TJP1: variants seen among roughly 807,000 people sequenced by gnomAD.
TJP1 encodes the protein tight junction protein ZO-1.
A neutral mutation model predicts 194.2 loss-of-function variants in TJP1; 43 were observed. That is an observed-to-expected ratio of 0.22 (90% CI 0.17 to 0.29). The LOEUF (loss-of-function observed/expected upper bound fraction) is 0.29. Among genes scored for constraint, TJP1 ranks in the 10% least tolerant of loss-of-function variants. The pLI is 1.00. For synonymous variants in TJP1, 801 were observed against 779.0 expected (o/e 1.03, Z -0.47); for missense variants, 1,971 against 2,185.7 (o/e 0.90, Z 1.96).
intron 4 of TJP1, among the ~76,000 whole-genome samples, chr15:29,771,857 GA>G (rs1014178201): frequency 7.4e-5 from 11 of 149,164 alleles, no homozygotes; most frequent in Non-Finnish European, 1.3e-4. Flanking sequence ...TTTTTCAATT[GA>G]AAAAAATCCT....
chr15:29,898,615 T>TG (rs2053547891), intron 2 of TJP1, among the ~76,000 whole-genome samples: 1 of 152,202 alleles, frequency 6.6e-6, no homozygotes, highest in Non-Finnish European at 1.5e-5. Flanking sequence ...CTAATACAGG[T>TG]GGAGCACCCC....
In TJP1 at chr15:29,955,753, T is replaced by TAAAAAAAAAAAAA; in HGVS notation, c.306+466_306+478dup. On this transcript the variant is annotated intron_variant, in intron 2 of 28. Coordinates refer to the TJP1 transcript ENST00000356107. The stretch of plus-strand genomic sequence containing the variant: ...GCAACAGAAGGAGACCCTGGCTCTT[T>TAAAAAAAAAAAAA]AAAAAAAAAAAAAAAAAAAAAAAAA... Among the ~76,000 whole-genome samples the TAAAAAAAAAAAAA allele has an allele frequency of 1.6e-3, 59 of 35,808 alleles. 1 individual carries two copies. The highest frequency in any genetic ancestry group is 2.3e-3 in the Non-Finnish European group (45 of 19,946). The allele number at this position is 35,808 out of a possible 152,430, so 23.5% of individuals were successfully genotyped here.
Position 29,944,316 on chromosome 15 carries a change from C to T in TJP1, c.306+11916G>A, listed in dbSNP as rs534774080. ...TTCACCATGTTACCCAGGATGGTCT[C>T]GACCTCCTGACCTCGTGATCCACCC... On this transcript the variant is annotated intron_variant, in intron 2 of 28. Transcript: ENST00000356107. Among the ~76,000 whole-genome samples the T allele has an allele frequency of 1.4e-4, 21 of 151,890 alleles. No homozygotes were observed. The South Asian group carries it at 1.5e-3, about 11-fold the overall frequency.
intron 1 of TJP1, among the ~76,000 whole-genome samples, chr15:29,821,705 C>A (rs1188357786): frequency 3.3e-5 from 5 of 152,078 alleles, no homozygotes; most frequent in Admixed American, 2.0e-4. Flanking sequence ...CGTGTCCCCG[C>A]CCTCAGCGAG....
rs558868289 is a variant in TJP1 at position 29,866,969 on chromosome 15, C to T, written c.307-66267G>A. ...GAAAGATACTCAGACTGAGCCTGAGCGCGTCTTCACTCAGTTCCAGTTTCA... is the reference window on the plus strand; with the variant it reads ...GAAAGATACTCAGACTGAGCCTGAGTGCGTCTTCACTCAGTTCCAGTTTCA... On this transcript the variant is annotated intron_variant, in intron 2 of 28. Coordinates refer to the TJP1 transcript ENST00000356107. Among the ~76,000 whole-genome samples the T allele has an allele frequency of 1.7e-4, 26 of 152,276 alleles. No individual in the cohort carries two copies. In the East Asian group the frequency reaches 3.3e-3, roughly 19 times the overall value.
chr15:29,834,376 C>G (rs2050955618), intron 2 of TJP1, among the ~76,000 whole-genome samples: 1 of 151,956 alleles, frequency 6.6e-6, no homozygotes, highest in African/African-American at 2.4e-5. Context: ...GGGCACCACC[C>G]GCCCAGCTAA....
intron 2 of TJP1, among the ~76,000 whole-genome samples, chr15:29,901,323 G>T (rs1007514192): frequency 1.3e-5 from 2 of 152,182 alleles, no homozygotes; most frequent in African/African-American, 4.8e-5. Flanking sequence ...GACTGTTCCT[G>T]CTTTCACAAT....
intron 1 of TJP1, chr15:29,820,679 G>A: frequency 1.6e-6 from 1 of 624,800 alleles, no homozygotes; most frequent in Admixed American, 2.5e-5. Context: ...TTCCTCCTAG[G>A]AAAGAAAGCC....
At chr15:29,936,092 C>T (rs1224255070) in intron 2 of TJP1, among the ~76,000 whole-genome samples, 3 of 152,084 alleles carry the variant, frequency 2.0e-5, no homozygotes, top group Admixed American at 6.5e-5. Context: ...CCAAACTGGT[C>T]TCTATATGAG....
chr15:29,724,361 A>G (rs911429454), intron 18 of TJP1, among the ~76,000 whole-genome samples: 1 of 152,240 alleles, frequency 6.6e-6, no homozygotes, highest in Admixed American at 6.5e-5. Flanking sequence ...CTGTTGCAGA[A>G]GAAAAGTCTT....
chr15:29,747,408 T>C (rs1183598041), intron 8 of TJP1, among the ~76,000 whole-genome samples: 2 of 152,206 alleles, frequency 1.3e-5, no homozygotes, highest in African/African-American at 4.8e-5. Context: ...CCCCAAATTG[T>C]GCTGTGCTCC....
chr15:29,874,036 C>T (rs185582973), intron 2 of TJP1, among the ~76,000 whole-genome samples: 630 of 152,320 alleles, frequency 4.1e-3, no homozygotes, highest in Non-Finnish European at 4.6e-3. Context: ...CTCCTCCTCT[C>T]GCCTGAAATG....
At chr15:29,710,774 C>G in intron 24 of TJP1, 57 bp downstream of exon 24, 1 of 1,606,524 alleles carries the variant, frequency 6.2e-7, no homozygotes, top group East Asian at 2.2e-5. Flanking sequence ...TAGAAACCAC[C>G]AGAATTTTAC....
intron 1 of TJP1, among the ~76,000 whole-genome samples, chr15:29,821,127 A>G (rs547281899): frequency 6.6e-6 from 1 of 152,236 alleles, no homozygotes; most frequent in Admixed American, 6.5e-5. Flanking sequence ...TTTATGATGA[A>G]AAAATTAATA....
chr15:29,726,609 C>A, intron 17 of TJP1, 130 bp from the exon 18 acceptor site: 1 of 1,147,520 alleles, frequency 8.7e-7, no homozygotes, highest in Non-Finnish European at 1.2e-6. Flanking sequence ...TTTGAAATTT[C>A]TATTTTGCTA....
intron 25 of TJP1, among the ~76,000 whole-genome samples, chr15:29,707,388 G>GAC (rs2041964390): frequency 6.6e-6 from 1 of 152,100 alleles, no homozygotes; most frequent in African/African-American, 2.4e-5. Flanking sequence ...GACATCCTAC[G>GAC]ACACAACATC....
chr15:29,718,310 A>C lies in TJP1; in HGVS notation c.3832T>G (p.Ser1278Ala), dbSNP rs569437345. 6.2e-7 allele frequency: 1 copy of C among 1,613,936 alleles called. No homozygotes were observed. The highest frequency in any genetic ancestry group is 8.5e-7 in the Non-Finnish European group (1 of 1,180,034). ...VKMFENKRSA[S>A]LETKKDVNDT... is the part of the protein sequence containing the mutation. ...TTTACATCCTTCTTGGTCTCTAAGG[A>C]TGCAGATCTTTTGTTTTCAAACATC... is the stretch of plus-strand genomic sequence containing the variant. Residue 1278 changes from serine (S) to alanine (A), a missense_variant, in exon 21 of 28, where the codon TCC becomes GCC. Physicochemically the swap from Ser to Ala is moderately conservative, Grantham distance 99 (BLOSUM62 1). Transcript: ENST00000614355.
At chr15:29,862,764 C>T (rs1253602959) in intron 2 of TJP1, among the ~76,000 whole-genome samples, 1 of 150,950 alleles carries the variant, frequency 6.6e-6, no homozygotes, top group Non-Finnish European at 1.5e-5. Context: ...TCTCCTGCCT[C>T]AGCCTCCCGT....
chr15:29,840,039 T>C (rs1248070042), intron 2 of TJP1, among the ~76,000 whole-genome samples: 1 of 152,260 alleles, frequency 6.6e-6, no homozygotes, highest in Admixed American at 6.5e-5. Context: ...ACTTGCCACC[T>C]GCATGTCCCC....
Sources: gnomAD v4.1 joint callset for allele counts (sites outside exome capture counted in the v4.1 genomes callset) on GRCh38, gnomAD v4.1.1 for gene constraint, MANE v1.5 for transcripts, NCBI Gene and HGNC (gene_info 2026-07-23, HGNC 2026-07-21) for gene names.